Variants in FGD4 observed in about 807,000 individuals in gnomAD.
The protein encoded by FGD4 is FYVE, RhoGEF and PH domain-containing protein 4.
Under a neutral mutation model 102.0 loss-of-function variants are expected in FGD4, and 42 were observed. The observed-to-expected ratio is 0.41, with a 90% CI of 0.32 to 0.53. The LOEUF (loss-of-function observed/expected upper bound fraction) is 0.53, where lower values mean the gene tolerates loss of function less well. Ranked by LOEUF, FGD4 falls within the 20% of genes least tolerant of loss-of-function variation. The pLI is 0.21. For synonymous variants in FGD4, 380 were observed against 375.7 expected, an observed-to-expected ratio of 1.01 and a Z score of -0.13; for missense variants, 902 against 1,078.2, an observed-to-expected ratio of 0.84 and a Z score of 2.29.
chr12:32,466,950 A>G (rs10844209), intron 1 of FGD4, among the ~76,000 whole-genome samples: 56,253 of 151,190 alleles, frequency 0.37, 11,391 homozygotes, highest in South Asian at 0.51. Flanking sequence ...AGAGGGCATC[A>G]GCCTTCACCA....
Position 32,625,695 on chromosome 12 carries a change from T to A in FGD4, c.2088T>A (p.Asp696Glu), listed in dbSNP as rs1162721452. 4 of 1,614,088 alleles carry A rather than the reference T, an allele frequency of 2.5e-6. No homozygotes were observed. The highest frequency in any genetic ancestry group is 3.4e-6 in the Non-Finnish European group (4 of 1,180,008). Residue 696 changes from aspartate to glutamate, a missense_variant, in exon 14 of 17, where the codon GAT (aspartate) becomes GAA (glutamate). By Grantham distance (45) the Asp-to-Glu change is conservative. Coordinates refer to ENST00000534526, the MANE Select transcript of FGD4 (RefSeq NM_001370298.3). ...AAAGAGCCCCAAGATGGATCCGAGA[T>A]AATGAAGTGACAATGTGTATGAAAT... ...LGKRAPRWIRDNEVTMCMKCK... is the reference protein window; with the variant it reads ...LGKRAPRWIRENEVTMCMKCK...
chr12:32,460,032 C>T (rs1016840088), intron 1 of FGD4, among the ~76,000 whole-genome samples: 2 of 151,956 alleles, frequency 1.3e-5, no homozygotes, highest in African/African-American at 2.4e-5. Flanking sequence ...TTTAGGGAGA[C>T]GAGGCCTTTA....
intron 11 of FGD4, among the ~76,000 whole-genome samples, chr12:32,622,123 G>T (rs2136910406): frequency 6.6e-6 from 1 of 152,268 alleles, no homozygotes; most frequent in Non-Finnish European, 1.5e-5. Flanking sequence ...GACCTCAGGT[G>T]ATCCACCCGC....
intron 1 of FGD4, among the ~76,000 whole-genome samples, chr12:32,452,572 T>G (rs574021470): frequency 1.3e-5 from 2 of 152,362 alleles, no homozygotes; most frequent in African/African-American, 4.8e-5. Flanking sequence ...ACACAAAAAG[T>G]AAAGCTTCAG....
chr12:32,569,659 C>A (rs1387076838), intron 2 of FGD4, among the ~76,000 whole-genome samples: 1 of 152,162 alleles, frequency 6.6e-6, no homozygotes, highest in Non-Finnish European at 1.5e-5. Flanking sequence ...ACGTTTTCTC[C>A]TAGCACTTAC....
intron 3 of FGD4, among the ~76,000 whole-genome samples, chr12:32,579,142 G>A (rs1946391011): frequency 1.4e-5 from 2 of 143,710 alleles, no homozygotes; most frequent in African/African-American, 5.3e-5. Flanking sequence ...CGCCTCCCAG[G>A]TTCAAGCAAT....
At chr12:32,424,781 T>TTTTGATTTCC (rs1941773721) in intron 1 of FGD4, among the ~76,000 whole-genome samples, 1 of 152,246 alleles carries the variant, frequency 6.6e-6, no homozygotes, top group Admixed American at 6.5e-5. Context: ...TGTGAGATGG[T>TTTTGATTTCC]ATCTCACTGT....
At chr12:32,419,318 T>C (rs1204914248) in intron 1 of FGD4, among the ~76,000 whole-genome samples, 2 of 152,212 alleles carry the variant, frequency 1.3e-5, no homozygotes, top group Non-Finnish European at 2.9e-5. Flanking sequence ...GAAGCCAGCA[T>C]GTCTCAGAGC....
At chr12:32,418,717 AC>A (rs1374227183) in intron 1 of FGD4, among the ~76,000 whole-genome samples, 1 of 152,070 alleles carries the variant, frequency 6.6e-6, no homozygotes, top group African/African-American at 2.4e-5. Flanking sequence ...CTACCTGGCT[AC>A]CACCTAAGTT....
At chr12:32,435,784 G>GTT (rs1942210305) in intron 1 of FGD4, among the ~76,000 whole-genome samples, 2 of 152,140 alleles carry the variant, frequency 1.3e-5, no homozygotes, top group African/African-American at 2.4e-5. Flanking sequence ...CTAGTCCATG[G>GTT]TTTTCATATT....
chr12:32,547,188 A>G (rs1943293296), intron 1 of FGD4, among the ~76,000 whole-genome samples: 1 of 152,162 alleles, frequency 6.6e-6, no homozygotes, highest in African/African-American at 2.4e-5. Flanking sequence ...CTGTAATTCC[A>G]GCACTTTGGG....
rs1237041957 is a variant in FGD4 at position 32,410,918 on chromosome 12, CTCTTTTTTTTT to C, written c.166+10972_166+10982del. On this transcript the variant is annotated intron_variant, in intron 1 of 16. Transcript: ENST00000534526. ...AAAAGCACAATGACTTTACAATGAA[CTCTTTTTTTTT>C]TCTTTTTTTTTTTTTTTTTGAGATA... 2.7e-5 allele frequency among the ~76,000 whole-genome samples: 4 copies of C among 148,248 alleles called. No homozygotes were observed. The East Asian group carries it at 7.9e-4, about 29-fold the overall frequency.
chr12:32,558,960 C>T (rs929040873), intron 1 of FGD4, among the ~76,000 whole-genome samples: 3 of 152,190 alleles, frequency 2.0e-5, no homozygotes, highest in Admixed American at 6.5e-5. Context: ...AAATCGGATA[C>T]CTCTCCTTCC....
chr12:32,485,436 ATTTTTTTTTT>A (rs372655892), intron 1 of FGD4, among the ~76,000 whole-genome samples: 1 of 114,218 alleles, frequency 8.8e-6, no homozygotes, highest in African/African-American at 3.2e-5. Context: ...TTTAAGACCA[ATTTTTTTTTT>A]TTTTTTTTTT....
chr12:32,570,975 A>G (rs1041588187), intron 2 of FGD4, among the ~76,000 whole-genome samples: 3 of 152,216 alleles, frequency 2.0e-5, no homozygotes, highest in African/African-American at 7.2e-5. Context: ...TCTTAAAAAT[A>G]GACGTCTCAT....
intron 1 of FGD4, among the ~76,000 whole-genome samples, chr12:32,450,428 A>G (rs1004541575): frequency 2.0e-5 from 3 of 151,994 alleles, no homozygotes; most frequent in African/African-American, 7.3e-5. Context: ...TGTAGTCACC[A>G]TTTCCTAATA....
chr12:32,639,511 T>C (rs1044815421), intron 16 of FGD4, among the ~76,000 whole-genome samples: 1 of 152,150 alleles, frequency 6.6e-6, no homozygotes, highest in African/African-American at 2.4e-5. Flanking sequence ...TGGATAGATA[T>C]CTGAAAAAGG....
At chr12:32,576,189 G>T in intron 2 of FGD4, 77 bp from the exon 3 acceptor site, 1 of 1,412,486 alleles carries the variant, frequency 7.1e-7, no homozygotes, top group South Asian at 1.3e-5. Context: ...GAATATTTTT[G>T]CACCCAGGAC....
intron 1 of FGD4, among the ~76,000 whole-genome samples, chr12:32,406,147 T>C (rs1940922554): frequency 6.6e-6 from 1 of 151,808 alleles, no homozygotes; most frequent in East Asian, 2.0e-4. Context: ...ATCTCCTTGT[T>C]GGTAGGCTGG....
Sources: gnomAD v4.1 joint callset for allele counts (sites outside exome capture counted in the v4.1 genomes callset) on GRCh38, gnomAD v4.1.1 for gene constraint, MANE v1.5 for transcripts, NCBI Gene and HGNC (gene_info 2026-07-23, HGNC 2026-07-21) for gene names.